CTNNA2: variants seen among roughly 807,000 people sequenced by gnomAD.
The protein encoded by CTNNA2 is catenin alpha 2.
In CTNNA2, 42 loss-of-function variants were observed where a neutral mutation model predicts 101.0. That is an observed-to-expected ratio of 0.42 (90% CI 0.32 to 0.54). The LOEUF is 0.54. Ranked by LOEUF, CTNNA2 falls within the 20% of genes least tolerant of loss-of-function variation. The pLI is 0.14. For missense variants in CTNNA2, 871 were observed against 1,223.1 expected, an observed-to-expected ratio of 0.71 and a Z score of 4.29; for synonymous variants, 450 against 456.4, an observed-to-expected ratio of 0.99 and a Z score of 0.18.
chr2:79,569,642 G>T (rs923096078), intron 1 of CTNNA2, among the ~76,000 whole-genome samples: 2 of 152,124 alleles, frequency 1.3e-5, no homozygotes, highest in African/African-American at 4.8e-5. Flanking sequence ...CGCCAAAAAT[G>T]TAACTACCAA....
intron 8 of CTNNA2, among the ~76,000 whole-genome samples, chr2:80,401,419 G>A (rs1337260533): frequency 2.0e-5 from 3 of 152,140 alleles, no homozygotes; most frequent in Non-Finnish European, 4.4e-5. Context: ...TGATTAATGA[G>A]GATACCCTAA....
At chr2:80,452,980 C>T (rs574217019) in intron 9 of CTNNA2, among the ~76,000 whole-genome samples, 34 of 152,150 alleles carry the variant, frequency 2.2e-4, no homozygotes, top group African/African-American at 7.9e-4. Flanking sequence ...GCTGGGGTGC[C>T]TTCTAGGCCA....
chr2:79,981,152 A>T (rs960220844), intron 7 of CTNNA2, among the ~76,000 whole-genome samples: 1 of 152,178 alleles, frequency 6.6e-6, no homozygotes, highest in Non-Finnish European at 1.5e-5. Flanking sequence ...CTTATTTTGC[A>T]GGGTAAAGCA....
intron 3 of CTNNA2, among the ~76,000 whole-genome samples, chr2:79,793,236 G>T (rs1181971595): frequency 6.6e-6 from 1 of 152,202 alleles, no homozygotes; most frequent in African/African-American, 2.4e-5. Context: ...AGAAAAGCTG[G>T]TAGATGACAT....
chr2:80,102,983 T>C (rs1489731428), intron 7 of CTNNA2, among the ~76,000 whole-genome samples: 1 of 152,184 alleles, frequency 6.6e-6, no homozygotes, highest in East Asian at 1.9e-4. Flanking sequence ...GCACTACCAG[T>C]GCTGCAAGAG....
At chr2:80,582,656 C>T (rs1695640259) in intron 14 of CTNNA2, among the ~76,000 whole-genome samples, 2 of 152,092 alleles carry the variant, frequency 1.3e-5, no homozygotes, top group African/African-American at 4.8e-5. Flanking sequence ...TTTTCCTCCC[C>T]TTAAGGGCTC....
intron 7 of CTNNA2, among the ~76,000 whole-genome samples, chr2:80,341,576 C>T (rs1672249540): frequency 6.6e-6 from 1 of 152,114 alleles, no homozygotes; most frequent in South Asian, 2.1e-4. Context: ...TTCACACCCA[C>T]TAGGATGGCT....
At chr2:79,722,433 G>T (rs1318834449) in intron 2 of CTNNA2, among the ~76,000 whole-genome samples, 2 of 152,128 alleles carry the variant, frequency 1.3e-5, no homozygotes, top group Non-Finnish European at 2.9e-5. Flanking sequence ...ACATGAACAG[G>T]TGATTAGAGG....
chr2:80,199,838 C>A (rs978401945), intron 7 of CTNNA2, among the ~76,000 whole-genome samples: 2 of 152,200 alleles, frequency 1.3e-5, no homozygotes, highest in Non-Finnish European at 2.9e-5. Flanking sequence ...GGGCTATTAG[C>A]TCCTGACCTA....
chr2:80,150,482 G>C (rs561527551), intron 7 of CTNNA2, among the ~76,000 whole-genome samples: 1 of 152,306 alleles, frequency 6.6e-6, no homozygotes, highest in East Asian at 1.9e-4. Context: ...ACTGGGGTCA[G>C]ATTGGGAAAA....
intron 8 of CTNNA2, among the ~76,000 whole-genome samples, chr2:80,414,786 G>A (rs1447666978): frequency 6.6e-6 from 1 of 152,154 alleles, no homozygotes; most frequent in Non-Finnish European, 1.5e-5. Flanking sequence ...AAATCAGCTA[G>A]AATTAGTTTC....
At chr2:80,512,121 G>A (rs1302897695) in intron 9 of CTNNA2, among the ~76,000 whole-genome samples, 2 of 124,762 alleles carry the variant, frequency 1.6e-5, no homozygotes, top group Non-Finnish European at 3.1e-5. Context: ...CTGCACTCCA[G>A]CCTGGGCAAC....
chr2:80,129,301 A>C (rs779152157), intron 7 of CTNNA2, among the ~76,000 whole-genome samples: 22 of 152,216 alleles, frequency 1.4e-4, no homozygotes, highest in Non-Finnish European at 2.4e-4. Flanking sequence ...ATTAAGCAGG[A>C]ATTACCACTG....
At chr2:79,930,813 G>A (rs1265778329) in intron 7 of CTNNA2, among the ~76,000 whole-genome samples, 1 of 152,190 alleles carries the variant, frequency 6.6e-6, no homozygotes, top group Non-Finnish European at 1.5e-5. Flanking sequence ...TTCTTAAAAT[G>A]CAAAGTATGT....
chr2:79,532,448 T>A (rs1672803919), intron 1 of CTNNA2, among the ~76,000 whole-genome samples: 1 of 152,152 alleles, frequency 6.6e-6, no homozygotes, highest in Non-Finnish European at 1.5e-5. Flanking sequence ...TGTGATTGAA[T>A]TACAATTTAA....
chr2:80,205,443 CG>C (rs1558901250), intron 7 of CTNNA2, among the ~76,000 whole-genome samples: 1 of 152,104 alleles, frequency 6.6e-6, no homozygotes, highest in Non-Finnish European at 1.5e-5. Context: ...TTGACACTGA[CG>C]GTCCAGAGGC....
At chr2:79,778,671 T>A (rs945684960) in intron 3 of CTNNA2, among the ~76,000 whole-genome samples, 55 of 152,236 alleles carry the variant, frequency 3.6e-4, no homozygotes, top group African/African-American at 1.3e-3. Flanking sequence ...CTTGTTGATA[T>A]TTAAGATAAT....
intron 2 of CTNNA2, among the ~76,000 whole-genome samples, chr2:79,302,382 G>A (rs1361636056): frequency 1.3e-5 from 2 of 152,086 alleles, no homozygotes; most frequent in Admixed American, 1.3e-4. Context: ...GACCAGCTCT[G>A]TTCACTTATA....
chr2:80,566,590 T>C (rs768838276), intron 12 of CTNNA2, among the ~76,000 whole-genome samples: 1 of 152,158 alleles, frequency 6.6e-6, no homozygotes, highest in Non-Finnish European at 1.5e-5. Context: ...CCTTGTGCAG[T>C]GGCATTTAGA....
Sources: allele counts gnomAD v4.1 joint callset (sites outside exome capture counted in the v4.1 genomes callset), GRCh38; gene constraint gnomAD v4.1.1; transcripts MANE v1.5; gene names NCBI Gene and HGNC (gene_info 2026-07-23, HGNC 2026-07-21).